The following MGST1 variants were observed in gnomAD, a reference collection of about 807,000 sequenced individuals.
MGST1 encodes the protein glutathione S-transferase 12.
MGST1 carries 5 observed loss-of-function variants against 8.9 expected under a neutral mutation model. The ratio of observed to expected loss-of-function variants is 0.56; its 90% CI spans 0.29 to 1.19. MGST1 has a LOEUF of 1.19. MGST1 is among the 50% of genes most tolerant of loss of function. The probability of loss-of-function intolerance (pLI) is 0.08; values close to 1 mark genes in which losing one functional copy is unlikely to be tolerated. For missense variants in MGST1, 182 were observed against 187.4 expected, an observed-to-expected ratio of 0.97 and a Z score of 0.17; for synonymous variants, 54 against 67.8, an observed-to-expected ratio of 0.80 and a Z score of 1.00.
downstream of MGST1, among the ~76,000 whole-genome samples, chr12:16,369,093 AAT>A (rs138455854): frequency 6.3e-3 from 952 of 152,218 alleles, 11 homozygotes; most frequent in African/African-American, 0.021. This position sits in a 1 kb window ranked among gnomAD's most constrained non-coding sequence, Gnocchi z 4.8. Context: ...AACCACCCAA[AAT>A]AAAGAGAATA....
exon 2 of MGST1, chr12:16,438,703 CTCT>C (rs1194258727): frequency 6.6e-6 from 1 of 151,780 alleles, no homozygotes; most frequent in African/African-American, 2.4e-5. Flanking sequence ...TCCTATTTAT[CTCT>C]TTTGTGCATC....
At position 16,351,848 on chromosome 12, in the gene MGST1, T is replaced by C. The variant is rs1452216301; in HGVS notation, c.-22-2383T>C. The stretch of plus-strand genomic sequence containing the variant: ...AAAAGGAAACAAAAATAGGGGTTAC[T>C]TAGGTAGCTTTGATTTCTTTATCTG... On this transcript the variant is annotated intron_variant, in intron 1 of 3. Coordinates refer to ENST00000396210, the MANE Select transcript of MGST1 (RefSeq NM_020300.5). Among the ~76,000 whole-genome samples the C allele has an allele frequency of 2.0e-5, 3 of 152,174 alleles. No homozygotes were observed. In the East Asian group the frequency reaches 5.8e-4, roughly 29 times the overall value.
chr12:16,423,848 C>G (rs989786117), intron 1 of MGST1, among the ~76,000 whole-genome samples: 1 of 152,212 alleles, frequency 6.6e-6, no homozygotes, highest in South Asian at 2.1e-4. Context: ...CAGGTACATT[C>G]TCACCAGGCC....
At chr12:16,553,767 T>C (rs1050593121) in intron 4 of MGST1, among the ~76,000 whole-genome samples, 1 of 151,794 alleles carries the variant, frequency 6.6e-6, no homozygotes, top group Admixed American at 6.6e-5. Flanking sequence ...GCAATACAGA[T>C]AGTATGTATT....
chr12:16,402,732 C>G (rs975901307), intron 1 of MGST1, among the ~76,000 whole-genome samples: 3 of 151,828 alleles, frequency 2.0e-5, no homozygotes, highest in African/African-American at 4.8e-5. Flanking sequence ...CTTGACTAGT[C>G]TAACCAGATA....
At chr12:16,493,825 A>G (rs532098410) in intron 4 of MGST1, among the ~76,000 whole-genome samples, 5 of 152,184 alleles carry the variant, frequency 3.3e-5, no homozygotes, top group Non-Finnish European at 7.3e-5. Context: ...TTGTGGAGAT[A>G]TGGATAGGAC....
intron 4 of MGST1, among the ~76,000 whole-genome samples, chr12:16,470,316 A>G (rs1941283249): frequency 1.3e-5 from 2 of 152,226 alleles, no homozygotes; most frequent in Non-Finnish European, 2.9e-5. Flanking sequence ...ATTTTTGATC[A>G]GGGTTTATAT....
At chr12:16,487,792 G>A (rs1941409590) in intron 4 of MGST1, among the ~76,000 whole-genome samples, 1 of 152,080 alleles carries the variant, frequency 6.6e-6, no homozygotes, top group Non-Finnish European at 1.5e-5. Flanking sequence ...GACTACAGGT[G>A]TGCACAACCA....
intron 1 of MGST1, among the ~76,000 whole-genome samples, chr12:16,428,315 A>G (rs973033234): frequency 4.6e-5 from 7 of 151,786 alleles, no homozygotes; most frequent in African/African-American, 1.4e-4. Context: ...CAAATTGATC[A>G]CAGTGTTTTC....
In MGST1 at chr12:16,411,581, G is replaced by A. The variant is rs565507083; in HGVS notation, n.779-25807G>A. ...CAGCATAGGTAATTCATTCTAAGAA[G>A]AGGTAATGTGACATGATAAAGGGCT... On this transcript the variant is annotated intron_variant and non_coding_transcript_variant, in intron 1 of 1. Coordinates refer to the MGST1 transcript ENST00000359720. Among the ~76,000 whole-genome samples the A allele has an allele frequency of 2.2e-3, 329 of 152,200 alleles. 3 individuals carry two copies. Among genetic ancestry groups the A allele is most frequent in the African/African-American group, 7.5e-3 (311 of 41,544 alleles).
At chr12:16,424,656 C>T (rs905172946) in intron 1 of MGST1, among the ~76,000 whole-genome samples, 1 of 152,196 alleles carries the variant, frequency 6.6e-6, no homozygotes, top group African/African-American at 2.4e-5. Flanking sequence ...CAGTGACACT[C>T]CAGTTTCACA....
chr12:16,559,580 C>G lies in MGST1; in HGVS notation n.483-29948C>G, dbSNP rs116768749. ...ATGATAATAATTGTTTAATTATTAG[C>G]TATATCTGGACTGATTCTCAAAGAT... On this transcript the variant is annotated intron_variant and non_coding_transcript_variant, in intron 4 of 4. Coordinates refer to the MGST1 transcript ENST00000538857. The surrounding 1 kb of genome is among the most constrained non-coding windows in gnomAD (Gnocchi z 4.1). Among the ~76,000 whole-genome samples the G allele has an allele frequency of 0.011, 1,625 of 152,118 alleles. 27 individuals carry two copies. Among genetic ancestry groups the G allele is most frequent in the African/African-American group, 0.036 (1,513 of 41,470 alleles).
intron 4 of MGST1, chr12:16,551,030 T>C (rs1941968684): frequency 2.0e-6 from 1 of 496,960 alleles, no homozygotes; most frequent in Non-Finnish European, 3.6e-6. Flanking sequence ...TCTTTAATAA[T>C]AAACATTCAA....
At chr12:16,397,229 A>T (rs906858133) in intron 1 of MGST1, among the ~76,000 whole-genome samples, 2 of 152,226 alleles carry the variant, frequency 1.3e-5, no homozygotes, top group South Asian at 4.1e-4. Flanking sequence ...AGCCACATGT[A>T]GGAGAATGAA....
intron 4 of MGST1, among the ~76,000 whole-genome samples, chr12:16,507,286 G>A (rs1041482036): frequency 6.6e-6 from 1 of 152,184 alleles, no homozygotes; most frequent in Non-Finnish European, 1.5e-5. Flanking sequence ...CAGTGTGTAT[G>A]TGGTGGGGTG....
chr12:16,373,415 TC>T (rs1014129295), intron 3 of MGST1, among the ~76,000 whole-genome samples: 2 of 151,938 alleles, frequency 1.3e-5, no homozygotes, highest in African/African-American at 4.8e-5. Flanking sequence ...ATTGGAGTGT[TC>T]CTAACACAAA....
At chr12:16,424,749 C>T (rs1298040669) in intron 1 of MGST1, among the ~76,000 whole-genome samples, 1 of 152,176 alleles carries the variant, frequency 6.6e-6, no homozygotes, top group Non-Finnish European at 1.5e-5. Flanking sequence ...AACTCCTCAC[C>T]ATTTAAACTG....
rs1270889920 is a variant in MGST1 at position 16,410,695 on chromosome 12, TA to T, written n.779-26691del. 6.8e-6 allele frequency among the ~76,000 whole-genome samples: 1 copy of T among 148,100 alleles called. No individual in the cohort carries two copies. The highest frequency in any genetic ancestry group is 1.5e-5 in the Non-Finnish European group (1 of 67,232). On this transcript the variant is annotated intron_variant and non_coding_transcript_variant, in intron 1 of 1. Coordinates refer to the MGST1 transcript ENST00000359720. The surrounding 1 kb of genome is among the most constrained non-coding windows in gnomAD (Gnocchi z 4.4). The stretch of plus-strand genomic sequence containing the variant: ...AAATATATAATATAAATATATAATA[TA>T]ATATATAAATATATAATCAAATATT...
intron 1 of MGST1, among the ~76,000 whole-genome samples, chr12:16,386,069 T>G (rs949631365): frequency 6.6e-6 from 1 of 152,186 alleles, no homozygotes; most frequent in Non-Finnish European, 1.5e-5. Flanking sequence ...CCCAGCTCTA[T>G]TTCAGTTCCC....
Sources: gnomAD v4.1 joint callset for allele counts (sites outside exome capture counted in the v4.1 genomes callset) on GRCh38, gnomAD v4.1.1 for gene constraint, Gnocchi (gnomAD v3.1) non-coding constraint, MANE v1.5 for transcripts, NCBI Gene and HGNC (gene_info 2026-07-23, HGNC 2026-07-21) for gene names.